FBXW11: variants seen among roughly 807,000 people sequenced by gnomAD.
The protein encoded by FBXW11 is F-box and WD repeat domain containing 11.
Under a neutral mutation model 77.6 loss-of-function variants are expected in FBXW11, and 19 were observed. The ratio of observed to expected loss-of-function variants is 0.24; its 90% CI spans 0.17 to 0.36. The LOEUF (loss-of-function observed/expected upper bound fraction) is 0.36. FBXW11 is among the 10% of genes least tolerant of loss of function. The pLI is 1.00. For synonymous variants in FBXW11, 235 were observed against 249.4 expected (o/e 0.94, Z 0.54); for missense variants, 334 against 704.2 (o/e 0.47, Z 5.95).
intron 1 of FBXW11, among the ~76,000 whole-genome samples, chr5:172,005,715 C>A (rs1447408193): frequency 6.6e-6 from 1 of 152,030 alleles, no homozygotes; most frequent in Non-Finnish European, 1.5e-5. Context: ...CCTCCCCAGT[C>A]ATCTCCAATT....
intron 1 of FBXW11, among the ~76,000 whole-genome samples, chr5:171,963,284 G>A (rs774562770): frequency 5.3e-5 from 8 of 152,040 alleles, no homozygotes; most frequent in Non-Finnish European, 1.0e-4. Flanking sequence ...TTCATAAAGG[G>A]TAAGTAGGAG....
chr5:171,931,620 CT>C (rs1343931662), intron 2 of FBXW11, among the ~76,000 whole-genome samples: 1 of 152,110 alleles, frequency 6.6e-6, no homozygotes, highest in Admixed American at 6.5e-5. Flanking sequence ...TTGTTGATTA[CT>C]TTCTTAGACA....
At chr5:171,948,054 T>C (rs1052423816) in intron 2 of FBXW11, among the ~76,000 whole-genome samples, 1 of 149,164 alleles carries the variant, frequency 6.7e-6, no homozygotes, top group Non-Finnish European at 1.5e-5. Context: ...GCCAACAGAG[T>C]GAAACCCCAT....
intron 2 of FBXW11, among the ~76,000 whole-genome samples, chr5:171,938,136 C>T (rs774970782): frequency 6.6e-6 from 1 of 152,246 alleles, no homozygotes; most frequent in Non-Finnish European, 1.5e-5. Flanking sequence ...TAGCTCACTA[C>T]AGCCTCACTC....
At chr5:171,895,623 C>T (rs537247861) in intron 6 of FBXW11, among the ~76,000 whole-genome samples, 1 of 152,292 alleles carries the variant, frequency 6.6e-6, no homozygotes, top group South Asian at 2.1e-4. Flanking sequence ...GAGAAAAATC[C>T]AAGTTCAGAA....
intron 1 of FBXW11, among the ~76,000 whole-genome samples, chr5:171,984,328 A>C (rs1303164184): frequency 6.6e-6 from 1 of 152,234 alleles, no homozygotes; most frequent in Non-Finnish European, 1.5e-5. Flanking sequence ...TACACAATAA[A>C]ACATACCTAT....
intron 1 of FBXW11, among the ~76,000 whole-genome samples, chr5:171,987,732 C>T (rs890345324): frequency 2.6e-5 from 4 of 152,108 alleles, no homozygotes; most frequent in South Asian, 2.1e-4. Flanking sequence ...GGATTACGGG[C>T]GTGAGCTACC....
intron 1 of FBXW11, among the ~76,000 whole-genome samples, chr5:171,989,543 GA>G (rs1765623007): frequency 6.6e-6 from 1 of 152,234 alleles, no homozygotes; most frequent in Admixed American, 6.5e-5. Context: ...AGGAGCTAGA[GA>G]AACCAGTTAA....
chr5:171,956,369 T>G (rs893267972), intron 2 of FBXW11, among the ~76,000 whole-genome samples: 2 of 152,222 alleles, frequency 1.3e-5, no homozygotes, highest in Admixed American at 6.5e-5. Context: ...CATCCTGTTC[T>G]TGTAAGGTGA....
chr5:171,940,498 T>G (rs1762693850), intron 2 of FBXW11, among the ~76,000 whole-genome samples: 1 of 152,172 alleles, frequency 6.6e-6, no homozygotes, highest in African/African-American at 2.4e-5. Flanking sequence ...GAGAAATGGC[T>G]GGTTCCAAGG....
intron 2 of FBXW11, among the ~76,000 whole-genome samples, chr5:171,932,020 G>T (rs1409681266): frequency 6.6e-6 from 1 of 151,732 alleles, no homozygotes; most frequent in African/African-American, 2.4e-5. Context: ...GACCACAGGG[G>T]TACACCACCA....
At chr5:171,975,890 G>A (rs900995525) in intron 1 of FBXW11, among the ~76,000 whole-genome samples, 1 of 152,206 alleles carries the variant, frequency 6.6e-6, no homozygotes, top group African/African-American at 2.4e-5. Context: ...CCAAATATAT[G>A]GGGGGAGGAA....
At chr5:171,942,915 C>A (rs186566879) in intron 2 of FBXW11, among the ~76,000 whole-genome samples, 1 of 152,034 alleles carries the variant, frequency 6.6e-6, no homozygotes, top group African/African-American at 2.4e-5. Flanking sequence ...CTACCAGATG[C>A]CCTGGGCAAT....
In FBXW11 at chr5:171,910,652, C is replaced by T. The variant is rs778006732; in HGVS notation, c.356G>A (p.Arg119Gln). The T allele has an allele frequency of 5.0e-6, 8 of 1,613,936 alleles. No homozygotes were observed. The highest frequency in any genetic ancestry group is 1.1e-5 in the South Asian group (1 of 91,068). ...QVEFVEHLIS[R>Q]MCHYQHGHIN... ...ATGTCCATGCTGATAATGACACATT[C>T]GTGAAATAAGATGTTCCACAAATTC... Residue 119 changes from arginine to glutamine, a missense_variant, in exon 4 of 14, where the codon CGA becomes CAA. Arg to Gln is a conservative substitution (Grantham distance 43). Coordinates refer to ENST00000517395, the MANE Select transcript of FBXW11 (RefSeq NM_001378974.1).
intron 2 of FBXW11, among the ~76,000 whole-genome samples, chr5:171,920,815 T>G (rs995900854): frequency 1.3e-5 from 2 of 152,210 alleles, no homozygotes; most frequent in African/African-American, 4.8e-5. Context: ...ATCTGTGCAT[T>G]TTCATGAACA....
intron 10 of FBXW11, among the ~76,000 whole-genome samples, chr5:171,871,336 T>C (rs563710610): frequency 2.0e-5 from 3 of 152,148 alleles, no homozygotes; most frequent in African/African-American, 7.2e-5. Context: ...GCCAGGGGGT[T>C]AAGCTTCCGC....
At chr5:171,932,954 CAA>C (rs59324690) in intron 2 of FBXW11, among the ~76,000 whole-genome samples, 1,816 of 50,266 alleles carry the variant, frequency 0.036, 38 homozygotes, top group East Asian at 0.081. Flanking sequence ...CTGCCTCTAC[CAA>C]AAAAAAAAAA....
intron 1 of FBXW11, among the ~76,000 whole-genome samples, chr5:171,966,046 G>C (rs926347325): frequency 1.3e-5 from 2 of 151,728 alleles, no homozygotes; most frequent in African/African-American, 4.9e-5. Flanking sequence ...AGCCATGATT[G>C]TAAGTTTCCT....
chr5:172,000,605 A>G (rs1224507384), intron 1 of FBXW11, among the ~76,000 whole-genome samples: 1 of 152,200 alleles, frequency 6.6e-6, no homozygotes, highest in Non-Finnish European at 1.5e-5. Context: ...TTTCCACACC[A>G]TCGGTCTTGA....
Sources: allele counts gnomAD v4.1 joint callset (sites outside exome capture counted in the v4.1 genomes callset), GRCh38; gene constraint gnomAD v4.1.1; transcripts MANE v1.5; gene names NCBI Gene and HGNC (gene_info 2026-07-23, HGNC 2026-07-21).